Variants in FANCM observed in about 807,000 individuals in gnomAD.
FANCM encodes Fanconi anemia group M protein.
In FANCM, 140 loss-of-function variants were observed where a neutral mutation model predicts 199.5. The observed-to-expected ratio is 0.70, with a 90% confidence interval of 0.61 to 0.81. The LOEUF is 0.81. FANCM is among the 30% of genes least tolerant of loss of function. The probability of loss-of-function intolerance (pLI) is 0.00; values close to 1 mark genes in which losing one functional copy is unlikely to be tolerated. For missense variants in FANCM, 2,410 were observed against 2,421.4 expected, an observed-to-expected ratio of 1.00 and a Z score of 0.10; for synonymous variants, 840 against 836.8, an observed-to-expected ratio of 1.00 and a Z score of -0.07.
rs36031280 is a variant in FANCM at position 45,179,561 on chromosome 14, CTTTTTTTTT to C, written c.4223-1857_4223-1849del. 6.3e-3 allele frequency among the ~76,000 whole-genome samples: 603 copies of C among 95,510 alleles called. 6 individuals are homozygous for C. Among genetic ancestry groups the C allele is most frequent in the African/African-American group, 0.024 (566 of 24,000 alleles). The allele number at this position is 95,510 out of a possible 152,430, so 62.7% of individuals were successfully genotyped here. On this transcript the variant is annotated intron_variant, in intron 14 of 22. Transcript: ENST00000267430. ...ATTAGGTACATCATTTTCTTTCTTT[CTTTTTTTTT>C]TTTTTTTTTTTGAGACAGTCTCACT...
intron 22 of FANCM, among the ~76,000 whole-genome samples, chr14:45,199,335 A>G (rs773960001): frequency 1.3e-5 from 2 of 152,240 alleles, no homozygotes; most frequent in African/African-American, 2.4e-5. Flanking sequence ...AAAGGCCTAC[A>G]TCAGATACTG....
At chr14:45,172,107 A>T (rs929076730) in intron 12 of FANCM, among the ~76,000 whole-genome samples, 8 of 152,164 alleles carry the variant, frequency 5.3e-5, no homozygotes, top group Middle Eastern at 3.4e-3. Context: ...TTCTCTGATA[A>T]TTAGTGATGT....
In FANCM at chr14:45,200,190, A is replaced by G; in HGVS notation, c.*182A>G. On this transcript the variant is annotated 3_prime_UTR_variant, in exon 23 of 23. Transcript: ENST00000267430. ...AAAAAGAAAAATCTGATGTTCAGTG[A>G]TCATTTTGACTAGATTATAAAACTA... 4.9e-6 allele frequency: 1 copy of G among 204,214 alleles called. No individual in the cohort carries two copies. Among genetic ancestry groups the G allele is most frequent in the Non-Finnish European group, 9.3e-6 (1 of 107,792 alleles). The allele number at this position is 204,214 out of a possible 1,614,324, so 12.7% of individuals were successfully genotyped here. A position where few individuals can be genotyped will look rare whatever the true frequency, so the allele number is the denominator to read the frequency against.
intron 10 of FANCM, 147 bp from the exon 11 acceptor site, chr14:45,166,803 A>G: frequency 3.3e-6 from 2 of 612,808 alleles, no homozygotes; most frequent in Non-Finnish European, 5.7e-6. Flanking sequence ...AAAATTCAAG[A>G]CAACAGAAGC....
intron 3 of FANCM, 33 bp from the exon 4 acceptor site, chr14:45,148,804 A>C (rs769217850): frequency 2.1e-5 from 32 of 1,513,374 alleles, no homozygotes; most frequent in Non-Finnish European, 2.8e-5. Flanking sequence ...TTTAACATGT[A>C]GTTTATAATC....
chr14:45,155,337 A>G (rs760104629), intron 7 of FANCM, 36 bp from the exon 8 acceptor site: 3 of 945,572 alleles, frequency 3.2e-6, no homozygotes, highest in Non-Finnish European at 5.1e-6. Context: ...ATGGAAAAAA[A>G]CAGAAAAAAA....
intron 4 of FANCM, among the ~76,000 whole-genome samples, chr14:45,149,730 G>A (rs143882213): frequency 7.2e-5 from 11 of 152,188 alleles, no homozygotes; most frequent in African/African-American, 2.4e-4. Flanking sequence ...TCTTTATGCA[G>A]CAGTGCTTTT....
At chr14:45,142,338 G>T (rs1241803188) in intron 3 of FANCM, among the ~76,000 whole-genome samples, 3 of 144,622 alleles carry the variant, frequency 2.1e-5, no homozygotes, top group African/African-American at 7.8e-5. Context: ...ACGAAGTCTC[G>T]CACTGTTGCC....
At chr14:45,166,604 A>AC (rs911926899) in intron 10 of FANCM, among the ~76,000 whole-genome samples, 6 of 151,788 alleles carry the variant, frequency 4.0e-5, no homozygotes, top group Non-Finnish European at 8.8e-5. Flanking sequence ...ACACAGGGAG[A>AC]CCCCATCTCT....
At chr14:45,192,659 C>T (rs995535901) in intron 20 of FANCM, among the ~76,000 whole-genome samples, 67 of 151,476 alleles carry the variant, frequency 4.4e-4, no homozygotes, top group African/African-American at 1.2e-3. Context: ...AAAGAAAAAC[C>T]AAACAAAAGC....
At chr14:45,138,147 G>A (rs950038856) in intron 2 of FANCM, among the ~76,000 whole-genome samples, 1 of 152,126 alleles carries the variant, frequency 6.6e-6, no homozygotes, top group African/African-American at 2.4e-5. Context: ...ATAGAAGTAT[G>A]GATCTTGCTG....
chr14:45,147,266 CA>C (rs1401365156), intron 3 of FANCM, among the ~76,000 whole-genome samples: 1 of 152,060 alleles, frequency 6.6e-6, no homozygotes, highest in Non-Finnish European at 1.5e-5. Flanking sequence ...CCGCCCCCCC[CA>C]AAACCAAGCC....
In FANCM at chr14:45,181,679, A is replaced by C. The variant is rs748259110; in HGVS notation, c.4360A>C (p.Lys1454Gln). The change falls in exon 16 of 23, where the codon AAA becomes CAA. Residue 1454 changes from lysine to glutamine, a missense_variant. Physicochemically the swap from Lys to Gln is moderately conservative, Grantham distance 53 (BLOSUM62 1). Transcript: ENST00000267430. The stretch of plus-strand genomic sequence containing the variant: ...AGTTGATTCTCCACTTCATGCTGTC[A>C]AAAAGCGCAGATTTCCTATAAACAG... Reference protein sequence around the residue: ...SEVDSPLHAVKKRRFPINRSE... With the variant: ...SEVDSPLHAVQKRRFPINRSE... 1.2e-6 allele frequency: 2 copies of C among 1,610,078 alleles called. No homozygotes were observed. Among genetic ancestry groups the C allele is most frequent in the South Asian group, 2.2e-5 (2 of 90,922 alleles).
At position 45,175,613 on chromosome 14, in the gene FANCM, A is replaced by G. The variant is rs142864437; in HGVS notation, c.2859A>G (p.Lys953=). 28 of 1,613,498 alleles carry G rather than the reference A, an allele frequency of 1.7e-5. 1 individual carries two copies. The South Asian group carries it at 2.7e-4, about 16-fold the overall frequency. ...GTTATAACAGTTTCAATGATGAAAAATCTGTTTCATCTAACTTATTTCTTC... is the reference window on the plus strand; with the variant it reads ...GTTATAACAGTTTCAATGATGAAAAGTCTGTTTCATCTAACTTATTTCTTC... The part of the protein sequence containing the change: ...DSGYNSFNDE[K]SVSSNLFLPF... The change falls in exon 14 of 23, where the codon AAA becomes AAG. Residue 953 remains lysine (K), a synonymous_variant. Transcript: ENST00000267430.
chr14:45,166,669 A>T (rs191010421), intron 10 of FANCM, among the ~76,000 whole-genome samples: 128 of 151,844 alleles, frequency 8.4e-4, no homozygotes, highest in African/African-American at 2.6e-3. Flanking sequence ...CCAGCTACTC[A>T]GGAGGCTAAA....
chr14:45,135,955 A>C lies in FANCM; in HGVS notation c.-77A>C. On this transcript the variant is annotated 5_prime_UTR_variant, in exon 1 of 23. It removes an upstream start codon present in the reference 5' UTR. Transcript: ENST00000267430. Reference sequence around the variant, plus strand: ...CCAGAGTTTTGTGCGAAGGAAACCGATGGGGATCGGAACCGTAGCGGTTGA... The same window carrying C: ...CCAGAGTTTTGTGCGAAGGAAACCGCTGGGGATCGGAACCGTAGCGGTTGA... The C allele has an allele frequency of 2.0e-6, 3 of 1,508,444 alleles. No homozygotes were observed. The highest frequency in any genetic ancestry group is 2.8e-6 in the Non-Finnish European group (3 of 1,088,784). The allele number at this position is 1,508,444 out of a possible 1,614,324, so 93.4% of individuals were successfully genotyped here.
intron 20 of FANCM, among the ~76,000 whole-genome samples, chr14:45,194,312 A>C (rs1457427277): frequency 6.6e-6 from 1 of 151,606 alleles, no homozygotes; most frequent in African/African-American, 2.4e-5. Context: ...CAAAAAAAAA[A>C]AAACAAAAAA....
chr14:45,172,427 TA>T lies in FANCM; in HGVS notation c.2161-626del, dbSNP rs1448545998. Among the ~76,000 whole-genome samples the T allele has an allele frequency of 1.6e-4, 24 of 152,318 alleles. 1 individual carries two copies. The highest frequency in any genetic ancestry group is 5.5e-4 in the African/African-American group (23 of 41,590). Reference sequence around the variant, plus strand: ...GATCCATCTTGAGTTGATTTTTGTATAAGGTGAGGGATGAGGATCCAGTTTC... The same window carrying T: ...GATCCATCTTGAGTTGATTTTTGTATAGGTGAGGGATGAGGATCCAGTTTC... On this transcript the variant is annotated intron_variant, in intron 12 of 22. Coordinates refer to ENST00000267430, the MANE Select transcript of FANCM (RefSeq NM_020937.4).
chr14:45,189,296 T>C lies in FANCM; in HGVS notation c.5274T>C (p.Ser1758=). The part of the protein sequence containing the change: ...FKPQNHNEVQ[S]TTPPFTTVDS... Reference sequence around the variant, plus strand: ...CTCAGAATCATAATGAAGTCCAGTCTACCACACCACCCTTCACTACTGTTG... The same window carrying C: ...CTCAGAATCATAATGAAGTCCAGTCCACCACACCACCCTTCACTACTGTTG... The change falls in exon 20 of 23, where the codon TCT becomes TCC. Residue 1758 remains serine (S), a synonymous_variant. Coordinates refer to ENST00000267430, the MANE Select transcript of FANCM (RefSeq NM_020937.4). 6.2e-7 allele frequency: 1 copy of C among 1,613,984 alleles called. No individual in the cohort carries two copies. Among genetic ancestry groups the C allele is most frequent in the Non-Finnish European group, 8.5e-7 (1 of 1,179,852 alleles).
Sources: allele counts gnomAD v4.1 joint callset (sites outside exome capture counted in the v4.1 genomes callset), GRCh38; gene constraint gnomAD v4.1.1; transcripts MANE v1.5; gene names NCBI Gene and HGNC (gene_info 2026-07-23, HGNC 2026-07-21).